The following CACNA1D variants were observed in gnomAD, a reference collection of about 807,000 sequenced individuals.
CACNA1D encodes voltage-dependent L-type calcium channel subunit alpha-1D.
In CACNA1D, 55 loss-of-function variants were observed where a neutral mutation model predicts 257.1. The ratio of observed to expected loss-of-function variants is 0.21; its 90% CI spans 0.17 to 0.27. The LOEUF (loss-of-function observed/expected upper bound fraction) is 0.27, where lower values mean the gene tolerates loss of function less well. CACNA1D is among the 10% of genes least tolerant of loss of function. The pLI is 1.00. For synonymous variants in CACNA1D, 980 were observed against 1,014.9 expected (o/e 0.97, Z 0.65); for missense variants, 1,876 against 2,784.0 (o/e 0.67, Z 7.34).
At position 53,749,346 on chromosome 3, in the gene CACNA1D, C is replaced by G; in HGVS notation, c.3393C>G (p.Phe1131Leu). The G allele has an allele frequency of 6.2e-7, 1 of 1,613,240 alleles. No homozygotes were observed. The highest frequency in any genetic ancestry group is 8.5e-7 in the Non-Finnish European group (1 of 1,179,126). Residue 1131 changes from phenylalanine (F) to leucine (L), a missense_variant, in exon 27 of 48, where the codon TTC becomes TTG. By Grantham distance (22) the Phe-to-Leu change is conservative. This residue lies in a region of CACNA1D where 271 missense variants were observed against 425.5 expected (regional missense o/e 0.64). Transcript: ENST00000350061. ...IYNHRVEISI[F>L]FIIYIIIVAF... The stretch of plus-strand genomic sequence containing the variant: ...ACCACCGCGTGGAGATCTCCATCTT[C>G]TTCATCATCTACATCATCATTGTAG...
At position 53,560,107 on chromosome 3, in the gene CACNA1D, T is replaced by G. The variant is rs58651265; in HGVS notation, c.483+58387T>G. 7.3e-3 allele frequency among the ~76,000 whole-genome samples: 1,101 copies of G among 150,508 alleles called. 14 individuals are homozygous for G. The highest frequency in any genetic ancestry group is 0.026 in the African/African-American group (1,046 of 40,768). ...CCTTTGTTGGCCAGAAAATGAGGGT[T>G]CTCTTCAGGTTATTTCTGTCCATAC... On this transcript the variant is annotated intron_variant, in intron 3 of 47. Coordinates refer to ENST00000350061, the MANE Select transcript of CACNA1D (RefSeq NM_001128840.3).
intron 3 of CACNA1D, among the ~76,000 whole-genome samples, chr3:53,504,270 A>G (rs2090729549): frequency 7.4e-6 from 1 of 134,846 alleles, no homozygotes; most frequent in East Asian, 2.2e-4. Flanking sequence ...TGATAGCTCC[A>G]TGGGAAAGAT....
intron 3 of CACNA1D, among the ~76,000 whole-genome samples, chr3:53,552,923 T>C (rs930979840): frequency 6.6e-6 from 1 of 152,234 alleles, no homozygotes; most frequent in Non-Finnish European, 1.5e-5. Context: ...CTTCACCTGC[T>C]GAGTGCTTAA....
chr3:53,798,508 C>A (rs1386695132), intron 40 of CACNA1D, among the ~76,000 whole-genome samples: 2 of 152,152 alleles, frequency 1.3e-5, no homozygotes, highest in African/African-American at 2.4e-5. Context: ...CTGTCTGTCC[C>A]CTATAAGATC....
intron 3 of CACNA1D, among the ~76,000 whole-genome samples, chr3:53,537,114 C>G (rs185652956): frequency 3.8e-4 from 58 of 152,322 alleles, no homozygotes; most frequent in Non-Finnish European, 6.6e-4. Context: ...AGCAAAATCT[C>G]TCTCCTACAT....
chr3:53,775,823 A>G lies in CACNA1D; in HGVS notation c.4203-63A>G, dbSNP rs558058065. 2.1e-5 allele frequency: 32 copies of G among 1,518,888 alleles called. No homozygotes were observed. The Admixed American group carries it at 4.2e-4, about 20-fold the overall frequency. The allele number at this position is 1,518,888 out of a possible 1,614,324, so 94.1% of individuals were successfully genotyped here. On this transcript the variant is annotated intron_variant, in intron 34 of 47. Coordinates refer to ENST00000350061, the MANE Select transcript of CACNA1D (RefSeq NM_001128840.3). ...TCTAATTATGAGTTTTTCTCCCCTA[A>G]GATCTAAGCTTCAAATTCCTTCTTT...
intron 2 of CACNA1D, among the ~76,000 whole-genome samples, chr3:53,500,645 G>C (rs1575680588): frequency 6.6e-6 from 1 of 152,212 alleles, no homozygotes; most frequent in East Asian, 1.9e-4. Flanking sequence ...TCAAGCCCAG[G>C]AATTGCAGAT....
intron 3 of CACNA1D, among the ~76,000 whole-genome samples, chr3:53,557,443 G>A (rs2092665963): frequency 1.3e-5 from 2 of 151,936 alleles, no homozygotes; most frequent in South Asian, 2.1e-4. Flanking sequence ...GCAGTGAGCC[G>A]AGATTGCGCC....
intron 44 of CACNA1D, among the ~76,000 whole-genome samples, chr3:53,804,535 C>G (rs1241544273): frequency 1.3e-5 from 2 of 152,204 alleles, no homozygotes; most frequent in African/African-American, 4.8e-5. Context: ...ATGAGTTCCT[C>G]TCTTCCAGCA....
chr3:53,761,895 G>A (rs2095304974), intron 29 of CACNA1D, 103 bp from the exon 30 acceptor site: 2 of 814,670 alleles, frequency 2.5e-6, no homozygotes, highest in Admixed American at 3.6e-5. Flanking sequence ...ACCCTACCTG[G>A]GTGCCATGGG....
intron 5 of CACNA1D, among the ~76,000 whole-genome samples, chr3:53,661,646 T>C (rs2094204852): frequency 6.6e-6 from 1 of 152,176 alleles, no homozygotes; most frequent in Admixed American, 6.5e-5. Flanking sequence ...AGCCTGTCTA[T>C]GGTATGTGTT....
At chr3:53,546,231 G>A (rs532611132) in intron 3 of CACNA1D, among the ~76,000 whole-genome samples, 1 of 152,322 alleles carries the variant, frequency 6.6e-6, no homozygotes, top group South Asian at 2.1e-4. Flanking sequence ...ACTATGAAAA[G>A]TCAGGATCAG....
chr3:53,603,827 G>A (rs1408231853), intron 3 of CACNA1D, among the ~76,000 whole-genome samples: 1 of 152,176 alleles, frequency 6.6e-6, no homozygotes, highest in Non-Finnish European at 1.5e-5. Context: ...ATTTTGCAGG[G>A]ATACGGGGTA....
intron 3 of CACNA1D, among the ~76,000 whole-genome samples, chr3:53,649,355 A>G (rs1278104844): frequency 6.6e-6 from 1 of 152,248 alleles, no homozygotes; most frequent in Non-Finnish European, 1.5e-5. Context: ...ATAAAAATAT[A>G]TAATAGTGAT....
chr3:53,604,588 T>C (rs1423636222), intron 3 of CACNA1D, among the ~76,000 whole-genome samples: 1 of 148,118 alleles, frequency 6.8e-6, no homozygotes, highest in Non-Finnish European at 1.5e-5. Context: ...AGCAGCTGGC[T>C]TGGTTTTGCT....
intron 39 of CACNA1D, chr3:53,786,060 A>T (rs888305170): frequency 2.0e-5 from 3 of 152,348 alleles, no homozygotes; most frequent in Non-Finnish European, 4.4e-5. Context: ...GTGGTTTACC[A>T]TGAGACAGCC....
At chr3:53,696,582 G>A (rs1426952178) in intron 8 of CACNA1D, among the ~76,000 whole-genome samples, 1 of 152,196 alleles carries the variant, frequency 6.6e-6, no homozygotes. Flanking sequence ...AGAGTTTTCT[G>A]GTGAATTAGA....
At chr3:53,711,605 A>G (rs2094756600) in intron 9 of CACNA1D, among the ~76,000 whole-genome samples, 1 of 152,196 alleles carries the variant, frequency 6.6e-6, no homozygotes, top group Non-Finnish European at 1.5e-5. Context: ...GACAGCAGGG[A>G]CGTGAAGCCA....
chr3:53,753,148 G>A (rs1253036119), intron 28 of CACNA1D, among the ~76,000 whole-genome samples: 1 of 152,154 alleles, frequency 6.6e-6, no homozygotes, highest in Non-Finnish European at 1.5e-5. Flanking sequence ...TGCTGACGTA[G>A]AAGAAAGTGT....
Sources: allele counts gnomAD v4.1 joint callset (sites outside exome capture counted in the v4.1 genomes callset), GRCh38; gene constraint gnomAD v4.1.1; regional missense constraint gnomAD v4.1.1; transcripts MANE v1.5; gene names NCBI Gene and HGNC (gene_info 2026-07-23, HGNC 2026-07-21).